Variants in ZBTB21 observed in about 807,000 individuals in gnomAD.
The protein encoded by ZBTB21 is zinc finger and BTB domain containing 21.
ZBTB21 carries 10 observed loss-of-function variants against 39.8 expected under a neutral mutation model. That is an observed-to-expected ratio of 0.25 (90% confidence interval 0.16 to 0.43). ZBTB21 has a LOEUF of 0.43. Ranked by LOEUF, ZBTB21 falls within the 20% of genes least tolerant of loss-of-function variation. The pLI is 1.00. For missense variants in ZBTB21, 1,221 were observed against 1,296.3 expected (o/e 0.94, Z 0.89); for synonymous variants, 551 against 498.8 (o/e 1.10, Z -1.40).
At chr21:41,999,204 A>G (rs889837014) in intron 2 of ZBTB21, among the ~76,000 whole-genome samples, 1 of 152,358 alleles carries the variant, frequency 6.6e-6, no homozygotes. Flanking sequence ...GCTGTAACAC[A>G]GAATTAAAGG....
Position 41,992,090 on chromosome 21 carries a change from G to A in ZBTB21, c.2006C>T (p.Ala669Val). The change falls in exon 3 of 3, where the codon GCT becomes GTT. Residue 669 changes from alanine to valine, a missense_variant. Ala to Val is a moderately conservative substitution (Grantham distance 64). Around this residue, in one of 4 missense-constraint regions of ZBTB21, gnomAD observed 523 missense variants for 542.5 expected, o/e 0.96. Coordinates refer to ENST00000310826, the MANE Select transcript of ZBTB21 (RefSeq NM_001098402.2). The surrounding 1 kb of genome is among the most constrained non-coding windows in gnomAD (Gnocchi z 4.1). ...TTTTCCGCAGTAAGTACAAATGTAA[G>A]CTCCTTTGGCTCGAGATCTCAAGTT... is the stretch of plus-strand genomic sequence containing the variant. ...KRNLRSRAKG[A>V]YICTYCGKAY... 6.2e-7 allele frequency: 1 copy of A among 1,614,092 alleles called. No individual in the cohort carries two copies. The highest frequency in any genetic ancestry group is 8.5e-7 in the Non-Finnish European group (1 of 1,180,004).
At chr21:42,004,175 T>C (rs567491180) in intron 1 of ZBTB21, among the ~76,000 whole-genome samples, 1 of 152,060 alleles carries the variant, frequency 6.6e-6, no homozygotes, top group Non-Finnish European at 1.5e-5. Flanking sequence ...AATTTTTGTA[T>C]TTTTAGTAGA....
At chr21:42,009,327 G>A (rs990643978) in intron 1 of ZBTB21, 26 of 152,222 alleles carry the variant, frequency 1.7e-4, no homozygotes, top group African/African-American at 5.5e-4. Context: ...GGTGTGCTGG[G>A]ATGGAAAAGC....
chr21:42,005,102 CAGG>C (rs1416996916), intron 1 of ZBTB21, among the ~76,000 whole-genome samples: 1 of 152,190 alleles, frequency 6.6e-6, no homozygotes, highest in East Asian at 1.9e-4. Flanking sequence ...TGGCCACATT[CAGG>C]AGAATGATCC....
intron 2 of ZBTB21, among the ~76,000 whole-genome samples, chr21:41,999,583 A>G (rs1481060811): frequency 6.6e-6 from 1 of 152,232 alleles, no homozygotes; most frequent in Non-Finnish European, 1.5e-5. Context: ...TAAATAAGAT[A>G]ATAATAGTCG....
Position 41,992,500 on chromosome 21 carries a change from G to A in ZBTB21, c.1596C>T (p.Asp532=), listed in dbSNP as rs779306582. The A allele has an allele frequency of 1.1e-5, 17 of 1,614,164 alleles. No homozygotes were observed. Among genetic ancestry groups the A allele is most frequent in the East Asian group, 2.2e-5 (1 of 44,890 alleles). ...TCGTCCCCTCCAACTCACCAAATTCGTCTTTATTCAAATCAGAATCTGGAA... is the reference window on the plus strand; with the variant it reads ...TCGTCCCCTCCAACTCACCAAATTCATCTTTATTCAAATCAGAATCTGGAA... ...ADFPDSDLNK[D]EFGELEGTRP... Residue 532 remains aspartate (D), a synonymous_variant, in exon 3 of 3, where the codon GAC becomes GAT. Transcript: ENST00000310826. This position sits in a 1 kb window ranked among gnomAD's most constrained non-coding sequence, Gnocchi z 4.1.
intron 1 of ZBTB21, among the ~76,000 whole-genome samples, chr21:42,006,884 G>A (rs897986509): frequency 6.6e-6 from 1 of 152,198 alleles, no homozygotes; most frequent in African/African-American, 2.4e-5. Context: ...GGGACAAGAA[G>A]ATGCCATCTA....
At position 41,987,279 on chromosome 21, in the gene ZBTB21, T is replaced by C. The variant is rs949191982; in HGVS notation, c.*3616A>G. 6.6e-6 allele frequency: 1 copy of C among 152,166 alleles called. No homozygotes were observed. The highest frequency in any genetic ancestry group is 1.5e-5 in the Non-Finnish European group (1 of 68,012). 9.4% of individuals were successfully genotyped at this position (152,166 alleles called of 1,614,324 possible). A position where few individuals can be genotyped will look rare whatever the true frequency, so the allele number is the denominator to read the frequency against. On this transcript the variant is annotated 3_prime_UTR_variant, in exon 3 of 3. Coordinates refer to ENST00000310826, the MANE Select transcript of ZBTB21 (RefSeq NM_001098402.2). ...AGGAATTTTTAAAAACACCTGACAT[T>C]GTAACTCATTTTTTCTCCTCCAGAA... is the stretch of plus-strand genomic sequence containing the variant.
At chr21:41,994,485 A>G (rs892442778) in intron 2 of ZBTB21, among the ~76,000 whole-genome samples, 2 of 152,186 alleles carry the variant, frequency 1.3e-5, no homozygotes, top group Non-Finnish European at 2.9e-5. Context: ...AACAAGTACG[A>G]ATTATCAAAC....
Position 41,989,183 on chromosome 21 carries a change from TTG to T in ZBTB21, c.*1710_*1711del, listed in dbSNP as rs942162406. ...TTAACTACTAAAATATTGTGGAATT[TTG>T]GAGTTTTTTCAAGTGAAAGAATACA... On this transcript the variant is annotated 3_prime_UTR_variant, in exon 3 of 3. Coordinates refer to ENST00000310826, the MANE Select transcript of ZBTB21 (RefSeq NM_001098402.2). 1 of 152,098 alleles carries T rather than the reference TTG, an allele frequency of 6.6e-6. No homozygotes were observed. 9.4% of individuals were successfully genotyped at this position (152,098 alleles called of 1,614,324 possible). A position where few individuals can be genotyped will look rare whatever the true frequency, so the allele number is the denominator to read the frequency against.
intron 1 of ZBTB21, among the ~76,000 whole-genome samples, chr21:42,009,893 G>T (rs1157064587): frequency 6.6e-6 from 1 of 152,218 alleles, no homozygotes; most frequent in Admixed American, 6.5e-5. Flanking sequence ...CTCCGCGCGA[G>T]GGGCGCGCGC....
At chr21:41,994,675 A>G (rs2065722180) in intron 2 of ZBTB21, among the ~76,000 whole-genome samples, 1 of 152,188 alleles carries the variant, frequency 6.6e-6, no homozygotes, top group South Asian at 2.1e-4. Flanking sequence ...GGCTCACTGC[A>G]GCCTCAATCT....
At chr21:42,004,915 C>T (rs976248956) in intron 1 of ZBTB21, among the ~76,000 whole-genome samples, 1 of 152,226 alleles carries the variant, frequency 6.6e-6, no homozygotes, top group African/African-American at 2.4e-5. Flanking sequence ...TAGGAAGTTG[C>T]CTCTGAGTTT....
In ZBTB21 at chr21:41,992,152, T is replaced by C. The variant is rs1022021333; in HGVS notation, c.1944A>G (p.Gly648=). 6.2e-7 allele frequency: 1 copy of C among 1,614,114 alleles called. No individual in the cohort carries two copies. The highest frequency in any genetic ancestry group is 2.2e-5 in the East Asian group (1 of 44,896). The change falls in exon 3 of 3, where the codon GGA becomes GGG. Residue 648 remains glycine (G), a synonymous_variant. Coordinates refer to ENST00000310826, the MANE Select transcript of ZBTB21 (RefSeq NM_001098402.2). The surrounding 1 kb of genome is among the most constrained non-coding windows in gnomAD (Gnocchi z 4.1). ...KLRRGKPGFQ[G]QSSSQAQQVI... ...CTTGCTGTGCTTGGGAGCTACTCTGTCCCTGAAAACCAGGCTTGCCGCGCC... is the reference window on the plus strand; with the variant it reads ...CTTGCTGTGCTTGGGAGCTACTCTGCCCCTGAAAACCAGGCTTGCCGCGCC...
At chr21:41,996,643 G>A (rs538084230) in intron 2 of ZBTB21, among the ~76,000 whole-genome samples, 1 of 152,344 alleles carries the variant, frequency 6.6e-6, no homozygotes, top group Non-Finnish European at 1.5e-5. Flanking sequence ...GACTTTGGGG[G>A]ACTGTTGGGA....
In ZBTB21 at chr21:41,988,182, TTA is replaced by T. The variant is rs1280030348; in HGVS notation, c.*2711_*2712del. ...TTACTTTGAGTGATAAAAACATGTT[TTA>T]TGTTACTCCTTCCTTCTCCCACATA... is the stretch of plus-strand genomic sequence containing the variant. On this transcript the variant is annotated 3_prime_UTR_variant, in exon 3 of 3. Transcript: ENST00000310826. 7.3e-6 allele frequency: 1 copy of T among 136,318 alleles called. No individual in the cohort carries two copies. The highest frequency in any genetic ancestry group is 1.6e-5 in the Non-Finnish European group (1 of 63,480). The allele number at this position is 136,318 out of a possible 1,614,324, so 8.4% of individuals were successfully genotyped here.
chr21:41,992,123 A>G lies in ZBTB21; in HGVS notation c.1973T>C (p.Ile658Thr). ...GQSSSQAQQV[I>T]KRNLRSRAKG... The stretch of plus-strand genomic sequence containing the variant: ...GGCTCGAGATCTCAAGTTCCTCTTG[A>G]TGACTTGCTGTGCTTGGGAGCTACT... Residue 658 changes from isoleucine (I) to threonine (T), a missense_variant, in exon 3 of 3, where the codon ATC (isoleucine) becomes ACC (threonine). By Grantham distance (89) the Ile-to-Thr change is moderately conservative. Coordinates refer to ENST00000310826, the MANE Select transcript of ZBTB21 (RefSeq NM_001098402.2). The surrounding 1 kb of genome is among the most constrained non-coding windows in gnomAD (Gnocchi z 4.1). The G allele has an allele frequency of 6.2e-7, 1 of 1,614,058 alleles. No homozygotes were observed. The highest frequency in any genetic ancestry group is 8.5e-7 in the Non-Finnish European group (1 of 1,180,008).
At position 42,008,795 on chromosome 21, in the gene ZBTB21, C is replaced by CA. The variant is rs1368734057; in HGVS notation, c.-79+1456dup. Among the ~76,000 whole-genome samples the CA allele has an allele frequency of 2.6e-5, 4 of 152,036 alleles. No homozygotes were observed. The East Asian group carries it at 7.7e-4, about 29-fold the overall frequency. ...TAAAGTGTTAAAAAGGAAAAATAAA[C>CA]AAAAAGTTACTTTTAAGTAAACCAG... On this transcript the variant is annotated intron_variant, in intron 1 of 2. Coordinates refer to ENST00000310826, the MANE Select transcript of ZBTB21 (RefSeq NM_001098402.2).
At chr21:42,005,412 G>A (rs1210011559) in intron 1 of ZBTB21, among the ~76,000 whole-genome samples, 2 of 152,188 alleles carry the variant, frequency 1.3e-5, no homozygotes, top group Admixed American at 6.5e-5. Flanking sequence ...TTATCTCAAC[G>A]GAGGCCTGAA....
Sources: allele counts gnomAD v4.1 joint callset (sites outside exome capture counted in the v4.1 genomes callset), GRCh38; gene constraint gnomAD v4.1.1; regional missense constraint gnomAD v4.1.1; non-coding constraint Gnocchi (gnomAD v3.1); transcripts MANE v1.5; gene names NCBI Gene and HGNC (gene_info 2026-07-23, HGNC 2026-07-21).